The following PTPRT variants were observed in gnomAD, a reference collection of about 807,000 sequenced individuals.
PTPRT encodes receptor-type tyrosine-protein phosphatase T.
Under a neutral mutation model 176.8 loss-of-function variants are expected in PTPRT, and 56 were observed. The observed-to-expected ratio is 0.32, with a 90% CI of 0.26 to 0.40. PTPRT has a LOEUF of 0.40. Among genes scored for constraint, PTPRT ranks in the 10% least tolerant of loss-of-function variants. The pLI is 1.00. For synonymous variants in PTPRT, 783 were observed against 739.0 expected, an observed-to-expected ratio of 1.06 and a Z score of -0.96; for missense variants, 1,540 against 1,908.2, an observed-to-expected ratio of 0.81 and a Z score of 3.60.
In PTPRT at chr20:42,638,968, A is replaced by G. The variant is rs192529670; in HGVS notation, c.1153+38898T>C. Among the ~76,000 whole-genome samples, 382 of 152,268 alleles carry G rather than the reference A, an allele frequency of 2.5e-3. 4 individuals carry two copies. Among genetic ancestry groups the G allele is most frequent in the African/African-American group, 8.8e-3 (364 of 41,552 alleles). ...CTAGAAAAAAAATCTCTTGCAACAG[A>G]GATTGCTATAGCACATTAATTATAA... On this transcript the variant is annotated intron_variant, in intron 7 of 30. Transcript: ENST00000373187.
intron 4 of PTPRT, among the ~76,000 whole-genome samples, chr20:42,774,247 G>A (rs1326648061): frequency 6.6e-6 from 1 of 152,154 alleles, no homozygotes; most frequent in Admixed American, 6.5e-5. Flanking sequence ...ACTTTTGATA[G>A]AGACTTGAGA....
chr20:42,494,717 AT>A (rs2071621871), intron 7 of PTPRT, among the ~76,000 whole-genome samples: 2 of 152,062 alleles, frequency 1.3e-5, no homozygotes, highest in Non-Finnish European at 2.9e-5. Flanking sequence ...AACTTTGTGT[AT>A]TTGTTTTCTG....
At chr20:42,931,914 A>G (rs1054160370) in intron 1 of PTPRT, among the ~76,000 whole-genome samples, 1 of 152,220 alleles carries the variant, frequency 6.6e-6, no homozygotes, top group Non-Finnish European at 1.5e-5. Flanking sequence ...CATTTCAGCT[A>G]CGTGGCACTA....
intron 2 of PTPRT, among the ~76,000 whole-genome samples, chr20:42,861,468 TATTC>T (rs1319560565): frequency 3.9e-5 from 6 of 152,176 alleles, no homozygotes; most frequent in African/African-American, 4.8e-5. Flanking sequence ...ACGTGACACT[TATTC>T]ATTCATTCAT....
At chr20:42,261,680 T>C (rs940853383) in intron 13 of PTPRT, among the ~76,000 whole-genome samples, 3 of 152,058 alleles carry the variant, frequency 2.0e-5, no homozygotes, top group African/African-American at 7.3e-5. Flanking sequence ...GGAAGGATAA[T>C]ATGTCTCAGC....
intron 7 of PTPRT, among the ~76,000 whole-genome samples, chr20:42,571,061 C>A (rs1365158633): frequency 1.3e-5 from 2 of 152,198 alleles, no homozygotes; most frequent in Non-Finnish European, 2.9e-5. Flanking sequence ...ATTGCATGTG[C>A]TGCCATTAAA....
chr20:42,360,652 T>G (rs1044860754), intron 9 of PTPRT, among the ~76,000 whole-genome samples: 6 of 152,380 alleles, frequency 3.9e-5, no homozygotes, highest in African/African-American at 9.6e-5. Context: ...GCTGCTTGCC[T>G]TCCAACTTCA....
At chr20:43,165,525 T>G (rs978616014) in intron 1 of PTPRT, among the ~76,000 whole-genome samples, 1 of 152,160 alleles carries the variant, frequency 6.6e-6, no homozygotes, top group African/African-American at 2.4e-5. Context: ...TTTCACCTTC[T>G]GCCATGATTG....
chr20:43,028,222 C>G (rs544877560), intron 1 of PTPRT, among the ~76,000 whole-genome samples: 6 of 152,250 alleles, frequency 3.9e-5, no homozygotes, highest in East Asian at 3.9e-4. Context: ...TGCTCTCCAA[C>G]ATATGGAGAG....
At position 42,248,546 on chromosome 20, in the gene PTPRT, G is replaced by A. The variant is rs187007237; in HGVS notation, c.2312+141C>T. ...AACAGCAACACAATGAACCACAGCC[G>A]GCCCATGTATTTCCGGACCTCAATG... On this transcript the variant is annotated intron_variant, in intron 14 of 30. Transcript: ENST00000373187. The A allele has an allele frequency of 9.4e-5, 108 of 1,143,590 alleles. 1 individual carries two copies. The South Asian group carries it at 1.1e-3, about 12-fold the overall frequency. The allele number at this position is 1,143,590 out of a possible 1,614,324, so 70.8% of individuals were successfully genotyped here. A position where few individuals can be genotyped will look rare whatever the true frequency, so the allele number is the denominator to read the frequency against.
chr20:42,321,256 C>T (rs988027040), intron 11 of PTPRT, among the ~76,000 whole-genome samples: 1 of 152,112 alleles, frequency 6.6e-6, no homozygotes, highest in Non-Finnish European at 1.5e-5. Flanking sequence ...CAACTTGTGG[C>T]TGCATATTAT....
intron 1 of PTPRT, among the ~76,000 whole-genome samples, chr20:43,048,986 G>A (rs1568753711): frequency 6.6e-6 from 1 of 152,132 alleles, no homozygotes; most frequent in Admixed American, 6.5e-5. Context: ...GAGCAGCAGG[G>A]GTGTCAGATG....
intron 3 of PTPRT, among the ~76,000 whole-genome samples, chr20:42,784,248 A>C (rs924977976): frequency 6.6e-6 from 1 of 152,198 alleles, no homozygotes; most frequent in Non-Finnish European, 1.5e-5. Flanking sequence ...GAGGGTGTGG[A>C]TATGTCAGGC....
chr20:42,986,999 G>A (rs971352357), intron 1 of PTPRT, among the ~76,000 whole-genome samples: 1 of 152,234 alleles, frequency 6.6e-6, no homozygotes, highest in East Asian at 1.9e-4. Context: ...ACTGACTCCC[G>A]CTTCAGCGGT....
chr20:43,022,887 G>A (rs1285304773), intron 1 of PTPRT, among the ~76,000 whole-genome samples: 1 of 152,162 alleles, frequency 6.6e-6, no homozygotes, highest in African/African-American at 2.4e-5. Context: ...GGTTACTCCA[G>A]ACCTGCAGGG....
At chr20:42,959,337 C>T (rs144286510) in intron 1 of PTPRT, among the ~76,000 whole-genome samples, 141 of 152,222 alleles carry the variant, frequency 9.3e-4, no homozygotes, top group Middle Eastern at 3.4e-3. Flanking sequence ...AAACGGTGAT[C>T]ACCAAAAGAC....
rs191173931 is a variant in PTPRT, at chr20:42,379,651, C to T, written c.1561-27366G>A. Among the ~76,000 whole-genome samples, 712 of 152,340 alleles carry T rather than the reference C, an allele frequency of 4.7e-3. 3 individuals are homozygous for T. The highest frequency in any genetic ancestry group is 5.9e-3 in the Non-Finnish European group (402 of 68,036). On this transcript the variant is annotated intron_variant, in intron 9 of 30. Coordinates refer to ENST00000373187, the MANE Select transcript of PTPRT (RefSeq NM_007050.6). ...CTCCTTTCTCGGCCTTGGCCCTGGC[C>T]GGGTGATTGGGAAAATGAAACAGAC...
At chr20:43,147,181 C>A (rs920723050) in intron 1 of PTPRT, among the ~76,000 whole-genome samples, 5 of 152,150 alleles carry the variant, frequency 3.3e-5, no homozygotes, top group African/African-American at 1.2e-4. Context: ...CTTGGTGCCC[C>A]CTTCCCCCAA....
intron 6 of PTPRT, among the ~76,000 whole-genome samples, chr20:42,721,442 C>T (rs552887141): frequency 1.1e-4 from 16 of 152,138 alleles, no homozygotes; most frequent in African/African-American, 3.9e-4. Flanking sequence ...GGTGGGTGGG[C>T]AGCGAATATG....
Sources: gnomAD v4.1 joint callset for allele counts (sites outside exome capture counted in the v4.1 genomes callset) on GRCh38, gnomAD v4.1.1 for gene constraint, MANE v1.5 for transcripts, NCBI Gene and HGNC (gene_info 2026-07-23, HGNC 2026-07-21) for gene names.